The following NAALADL2 variants were observed in gnomAD, a reference collection of about 807,000 sequenced individuals.
NAALADL2 encodes the protein inactive N-acetylated-alpha-linked acidic dipeptidase-like protein 2.
NAALADL2 carries 76 observed loss-of-function variants against 87.2 expected under a neutral mutation model. That is an observed-to-expected ratio of 0.87 (90% CI 0.72 to 1.05). NAALADL2 has a LOEUF of 1.05. Among genes scored for constraint, NAALADL2 ranks in the 50% least tolerant of loss-of-function variants. The pLI is 0.00. For missense variants in NAALADL2, 1,089 were observed against 945.8 expected, an observed-to-expected ratio of 1.15 and a Z score of -1.99; for synonymous variants, 354 against 331.0, an observed-to-expected ratio of 1.07 and a Z score of -0.75.
intron 1 of NAALADL2, among the ~76,000 whole-genome samples, chr3:175,028,403 C>G (rs1752448915): frequency 6.6e-6 from 1 of 151,940 alleles, no homozygotes; most frequent in Non-Finnish European, 1.5e-5. Flanking sequence ...GTCATGGAAT[C>G]AAAATAAGGA....
intron 1 of NAALADL2, among the ~76,000 whole-genome samples, chr3:174,951,660 C>T (rs988849146): frequency 1.2e-4 from 18 of 151,978 alleles, no homozygotes; most frequent in Non-Finnish European, 1.9e-4. Context: ...TTTTACTTGT[C>T]GATAGACGCC....
intron 10 of NAALADL2, among the ~76,000 whole-genome samples, chr3:175,594,018 CAG>C (rs1416935500): frequency 6.6e-6 from 1 of 150,646 alleles, no homozygotes; most frequent in Non-Finnish European, 1.5e-5. Flanking sequence ...CTTTTATACA[CAG>C]GGGGTACATG....
At chr3:174,855,998 ATATAT>A (rs1409196738), upstream of NAALADL2, among the ~76,000 whole-genome samples, 1 of 129,992 alleles carries the variant, frequency 7.7e-6, no homozygotes, top group Non-Finnish European at 1.7e-5. Context: ...ATATATATAT[ATATAT>A]GAGAGAGAGA....
At chr3:175,022,549 AG>A (rs1751696025) in intron 1 of NAALADL2, among the ~76,000 whole-genome samples, 1 of 152,104 alleles carries the variant, frequency 6.6e-6, no homozygotes, top group African/African-American at 2.4e-5. Flanking sequence ...GTACAATTAA[AG>A]GTTATGAACC....
intron 2 of NAALADL2, among the ~76,000 whole-genome samples, chr3:174,724,992 G>A (rs1466693224): frequency 1.3e-5 from 2 of 152,122 alleles, no homozygotes; most frequent in Non-Finnish European, 2.9e-5. Context: ...AAAAAATCTA[G>A]AGCTGATTCA....
At chr3:175,448,602 G>T (rs115141655) in intron 6 of NAALADL2, among the ~76,000 whole-genome samples, 1,655 of 152,246 alleles carry the variant, frequency 0.011, 25 homozygotes, top group African/African-American at 0.036. Context: ...AAGCCTCTAT[G>T]TCTGCAGCTA....
At chr3:174,878,887 G>T (rs560887143) in intron 1 of NAALADL2, among the ~76,000 whole-genome samples, 1 of 152,144 alleles carries the variant, frequency 6.6e-6, no homozygotes, top group African/African-American at 2.4e-5. Context: ...TGTGTATAGT[G>T]AAGAAGAGGA....
intron 5 of NAALADL2, among the ~76,000 whole-genome samples, chr3:175,360,535 T>C (rs1372581076): frequency 1.3e-5 from 2 of 152,038 alleles, no homozygotes; most frequent in African/African-American, 2.4e-5. Context: ...CTCCAGTAAC[T>C]TCTCAGAAAG....
At chr3:174,898,502 A>G (rs1579425919) in intron 1 of NAALADL2, among the ~76,000 whole-genome samples, 1 of 152,106 alleles carries the variant, frequency 6.6e-6, no homozygotes, top group South Asian at 2.1e-4. Context: ...TGTGAAGAAT[A>G]TAATTCGATT....
chr3:175,763,040 C>T (rs1301667076), intron 13 of NAALADL2, among the ~76,000 whole-genome samples: 2 of 151,844 alleles, frequency 1.3e-5, no homozygotes, highest in Admixed American at 6.6e-5. Context: ...GCCGAGATGG[C>T]GCCACTGCAC....
chr3:175,297,732 C>A (rs1330318970), intron 4 of NAALADL2, among the ~76,000 whole-genome samples: 2 of 152,142 alleles, frequency 1.3e-5, no homozygotes, highest in Non-Finnish European at 1.5e-5. Flanking sequence ...AATAGTGATA[C>A]TAACATACCC....
chr3:174,614,433 A>G (rs1720248027), intron 2 of NAALADL2, among the ~76,000 whole-genome samples: 2 of 152,176 alleles, frequency 1.3e-5, no homozygotes, highest in Admixed American at 1.3e-4. Flanking sequence ...ATGGGTGAGC[A>G]TCAGTTGAGT....
At chr3:175,780,785 TAA>T (rs1258508961) in intron 13 of NAALADL2, among the ~76,000 whole-genome samples, 1 of 152,214 alleles carries the variant, frequency 6.6e-6, no homozygotes, top group Non-Finnish European at 1.5e-5. Context: ...TTTAAAACTG[TAA>T]CATGTCAAGA....
At chr3:175,125,855 A>G (rs1370208019) in intron 2 of NAALADL2, among the ~76,000 whole-genome samples, 2 of 152,070 alleles carry the variant, frequency 1.3e-5, no homozygotes, top group Non-Finnish European at 2.9e-5. Flanking sequence ...TTACCAAAAG[A>G]GTAAGTGTAA....
Position 175,561,574 on chromosome 3 carries a change from C to T in NAALADL2, c.1654-14467C>T, listed in dbSNP as rs1488709137. On this transcript the variant is annotated intron_variant, in intron 9 of 13. Coordinates refer to ENST00000454872, the MANE Select transcript of NAALADL2 (RefSeq NM_207015.3). Reference sequence around the variant, plus strand: ...TAGTATTTCACAGACATGCTATCTACAAAATATGCTGTACAAAATATGTAT... The same window carrying T: ...TAGTATTTCACAGACATGCTATCTATAAAATATGCTGTACAAAATATGTAT... Among the ~76,000 whole-genome samples the T allele has an allele frequency of 2.0e-5, 3 of 152,174 alleles. No individual in the cohort carries two copies. The East Asian group carries it at 5.8e-4, about 29-fold the overall frequency.
At chr3:174,473,598 CT>C (rs1717040018) in intron 1 of NAALADL2, among the ~76,000 whole-genome samples, 1 of 151,862 alleles carries the variant, frequency 6.6e-6, no homozygotes, top group Non-Finnish European at 1.5e-5. Context: ...ATTTAAGAGT[CT>C]TATATATTAA....
chr3:174,529,985 A>G (rs1452827607), intron 1 of NAALADL2, among the ~76,000 whole-genome samples: 1 of 152,118 alleles, frequency 6.6e-6, no homozygotes, highest in African/African-American at 2.4e-5. Context: ...TTGGTTCCTC[A>G]TTACTTAACA....
intron 9 of NAALADL2, among the ~76,000 whole-genome samples, chr3:175,547,175 G>A (rs1713478227): frequency 6.6e-6 from 1 of 152,030 alleles, no homozygotes; most frequent in Non-Finnish European, 1.5e-5. Context: ...ATATTACAGG[G>A]TTATAGTAAC....
chr3:175,549,503 T>A (rs371588905), intron 9 of NAALADL2, among the ~76,000 whole-genome samples: 40 of 152,062 alleles, frequency 2.6e-4, no homozygotes, highest in East Asian at 1.9e-3. Flanking sequence ...TAATTTGTCA[T>A]CATAGTAGTG....
Sources: gnomAD v4.1 joint callset for allele counts (sites outside exome capture counted in the v4.1 genomes callset) on GRCh38, gnomAD v4.1.1 for gene constraint, MANE v1.5 for transcripts, NCBI Gene and HGNC (gene_info 2026-07-23, HGNC 2026-07-21) for gene names.